Variants in RAPGEF5 observed in about 807,000 individuals in gnomAD.
The protein encoded by RAPGEF5 is M-Ras-regulated GEF.
RAPGEF5 carries 65 observed loss-of-function variants against 125.2 expected under a neutral mutation model. That is an observed-to-expected ratio of 0.52 (90% CI 0.43 to 0.64). RAPGEF5 has a LOEUF of 0.64. Ranked by LOEUF, RAPGEF5 falls within the 30% of genes least tolerant of loss-of-function variation. The pLI, the probability that RAPGEF5 is intolerant of heterozygous loss-of-function variation, is 0.00. For missense variants in RAPGEF5, 958 were observed against 1,048.1 expected, an observed-to-expected ratio of 0.91 and a Z score of 1.19; for synonymous variants, 391 against 385.9, an observed-to-expected ratio of 1.01 and a Z score of -0.16.
chr7:22,130,998 G>T, intron 24 of RAPGEF5, 39 bp downstream of exon 24: 1 of 1,534,896 alleles, frequency 6.5e-7, no homozygotes, highest in African/African-American at 1.4e-5. Flanking sequence ...ATACATTTCT[G>T]TTACTGTAAA....
In RAPGEF5 at chr7:22,254,125, C is replaced by T. The variant is rs559631100; in HGVS notation, c.796+12839G>A. Among the ~76,000 whole-genome samples the T allele has an allele frequency of 3.9e-5, 6 of 152,186 alleles. No individual in the cohort carries two copies. In the South Asian group the frequency reaches 1.0e-3, roughly 26 times the overall value. Reference sequence around the variant, plus strand: ...TAGAATATGCCTTTTCACTGGTGTCCAGTTTCAAACCTCACAAATGCCTCG... The same window carrying T: ...TAGAATATGCCTTTTCACTGGTGTCTAGTTTCAAACCTCACAAATGCCTCG... On this transcript the variant is annotated intron_variant, in intron 7 of 25. Transcript: ENST00000665637.
intron 19 of RAPGEF5, among the ~76,000 whole-genome samples, chr7:22,146,427 T>A (rs1783441305): frequency 6.6e-6 from 1 of 152,240 alleles, no homozygotes; most frequent in Non-Finnish European, 1.5e-5. Flanking sequence ...ACTTGAAATA[T>A]ATCCAAAATT....
intron 1 of RAPGEF5, among the ~76,000 whole-genome samples, chr7:22,343,495 T>C (rs370186311): frequency 6.6e-6 from 1 of 152,238 alleles, no homozygotes; most frequent in Non-Finnish European, 1.5e-5. Context: ...GGTATTCAGA[T>C]GTTGGTACCC....
At chr7:22,137,108 T>C in intron 21 of RAPGEF5, 125 bp from the exon 22 acceptor site, 2 of 700,112 alleles carry the variant, frequency 2.9e-6, no homozygotes, top group Admixed American at 2.5e-5. Flanking sequence ...ACCTCTATCA[T>C]CTGTTCAATC....
intron 12 of RAPGEF5, among the ~76,000 whole-genome samples, chr7:22,163,259 A>G (rs1216551810): frequency 6.6e-6 from 1 of 150,718 alleles, no homozygotes; most frequent in Admixed American, 6.6e-5. Context: ...TTTCATTTAA[A>G]ATAAAAAAAG....
Position 22,122,535 on chromosome 7 carries a change from G to A in RAPGEF5, c.2537-14C>T, listed in dbSNP as rs777451417. ...GAGACAGGTCACCTGTTGTTTAGAG[G>A]GGGAAAAAAGACAATCTCAGGAGAG... On this transcript the variant is annotated splice_polypyrimidine_tract_variant and intron_variant, in intron 25 of 25. Coordinates refer to ENST00000665637, the MANE Select transcript of RAPGEF5 (RefSeq NM_012294.5). 3.8e-6 allele frequency: 6 copies of A among 1,575,912 alleles called. No homozygotes were observed. In the African/African-American group the frequency reaches 4.1e-5, roughly 11 times the overall value.
intron 14 of RAPGEF5, 126 bp downstream of exon 14, chr7:22,160,392 A>C: frequency 1.2e-6 from 1 of 825,042 alleles, no homozygotes; most frequent in Non-Finnish European, 1.8e-6. Context: ...TAGAAAAGCT[A>C]AGGCATCAAG....
At chr7:22,257,024 G>T (rs1786779551) in intron 7 of RAPGEF5, among the ~76,000 whole-genome samples, 2 of 152,116 alleles carry the variant, frequency 1.3e-5, no homozygotes, top group Admixed American at 1.3e-4. Context: ...CTGATTGGCA[G>T]TTACTTTTAT....
chr7:22,133,317 A>G (rs1249235167), intron 23 of RAPGEF5, among the ~76,000 whole-genome samples: 1 of 152,176 alleles, frequency 6.6e-6, no homozygotes, highest in East Asian at 1.9e-4. Context: ...AACTGGCTAC[A>G]GGTTTCGATG....
chr7:22,190,415 C>T (rs1021866884), intron 11 of RAPGEF5, among the ~76,000 whole-genome samples: 2 of 152,090 alleles, frequency 1.3e-5, no homozygotes, highest in African/African-American at 2.4e-5. Flanking sequence ...TAGGTGTGTG[C>T]GAGTCAACTC....
At chr7:22,259,212 A>T (rs1351897576) in intron 7 of RAPGEF5, among the ~76,000 whole-genome samples, 1 of 152,234 alleles carries the variant, frequency 6.6e-6, no homozygotes, top group Non-Finnish European at 1.5e-5. Context: ...ACATACCTCA[A>T]CGAAGAAGAC....
intron 9 of RAPGEF5, among the ~76,000 whole-genome samples, chr7:22,216,976 G>C (rs1039301601): frequency 2.6e-5 from 4 of 152,196 alleles, no homozygotes; most frequent in Non-Finnish European, 5.9e-5. Context: ...CAGCAACAAA[G>C]GCTTTATTCT....
chr7:22,146,172 A>C (rs538209568), intron 19 of RAPGEF5, among the ~76,000 whole-genome samples: 4 of 152,280 alleles, frequency 2.6e-5, no homozygotes, highest in Admixed American at 2.6e-4. Flanking sequence ...TGGGTCTCTA[A>C]ATTGGGCATG....
chr7:22,144,642 G>C lies in RAPGEF5; in HGVS notation c.2186+402C>G, dbSNP rs575808332. ...TGAACGAGTTCGCAAAAGTTCATAC[G>C]GTGGGCCTCAAGGAGCAATGAGCAG... On this transcript the variant is annotated intron_variant, in intron 20 of 25. Transcript: ENST00000665637. 2.6e-5 allele frequency among the ~76,000 whole-genome samples: 4 copies of C among 152,284 alleles called. No homozygotes were observed. In the South Asian group the frequency reaches 8.3e-4, roughly 32 times the overall value.
intron 1 of RAPGEF5, chr7:22,355,874 G>T: frequency 1.2e-6 from 1 of 827,912 alleles, no homozygotes; most frequent in Non-Finnish European, 1.5e-6. Flanking sequence ...AGACAAGACT[G>T]CATTTTAAAA....
At chr7:22,325,170 C>T (rs1783790673) in intron 1 of RAPGEF5, among the ~76,000 whole-genome samples, 1 of 152,210 alleles carries the variant, frequency 6.6e-6, no homozygotes, top group Admixed American at 6.5e-5. Context: ...CCCAAACATT[C>T]TAGCACTTTC....
At position 22,266,949 on chromosome 7, in the gene RAPGEF5, T is replaced by A. The variant is rs766041325; in HGVS notation, c.796+15A>T. 1 of 1,599,880 alleles carries A rather than the reference T, an allele frequency of 6.3e-7. No individual in the cohort carries two copies. Among genetic ancestry groups the A allele is most frequent in the Non-Finnish European group, 8.6e-7 (1 of 1,167,660 alleles). On this transcript the variant is annotated intron_variant, in intron 7 of 25. Coordinates refer to ENST00000665637, the MANE Select transcript of RAPGEF5 (RefSeq NM_012294.5). ...GAATTAGAATCTTCCTCCAGCCCCA[T>A]AAAAGATGACTTACCAGACTTCCTT...
chr7:22,224,711 G>A (rs1221663767), intron 8 of RAPGEF5, among the ~76,000 whole-genome samples: 1 of 152,074 alleles, frequency 6.6e-6, no homozygotes, highest in Non-Finnish European at 1.5e-5. Flanking sequence ...CCGTCACCAT[G>A]GGGAGCCTGT....
chr7:22,193,880 A>G (rs922014585), intron 10 of RAPGEF5, 35 bp downstream of exon 10: 1 of 1,612,318 alleles, frequency 6.2e-7, no homozygotes, highest in Non-Finnish European at 8.5e-7. Context: ...AGGAAACGGG[A>G]GCGCGTGCCT....
Sources: allele counts gnomAD v4.1 joint callset (sites outside exome capture counted in the v4.1 genomes callset), GRCh38; gene constraint gnomAD v4.1.1; transcripts MANE v1.5; gene names NCBI Gene and HGNC (gene_info 2026-07-23, HGNC 2026-07-21).